ZNF845: variants seen among roughly 807,000 people sequenced by gnomAD.
The protein encoded by ZNF845 is zinc finger protein 845.
A neutral mutation model predicts 76.1 loss-of-function variants in ZNF845; 59 were observed. The observed-to-expected ratio is 0.78, with a 90% confidence interval of 0.63 to 0.96. The LOEUF (loss-of-function observed/expected upper bound fraction) is 0.96, where lower values mean the gene tolerates loss of function less well. Among genes scored for constraint, ZNF845 ranks in the 40% least tolerant of loss-of-function variants. The probability of loss-of-function intolerance (pLI) is 0.00; values close to 1 mark genes in which losing one functional copy is unlikely to be tolerated. For missense variants in ZNF845, 1,045 were observed against 1,172.8 expected (o/e 0.89, Z 1.59); for synonymous variants, 361 against 386.9 (o/e 0.93, Z 0.78).
chr19:53,342,627 G>C (rs1023089169), intron 2 of ZNF845, among the ~76,000 whole-genome samples: 6 of 151,980 alleles, frequency 3.9e-5, no homozygotes, highest in African/African-American at 1.5e-4. Flanking sequence ...TCGCGCGTCT[G>C]TATTTCTGCA....
At chr19:53,341,208 A>G in intron 1 of ZNF845, 27 bp from the exon 2 acceptor site, 1 of 1,536,178 alleles carries the variant, frequency 6.5e-7, no homozygotes, top group South Asian at 1.1e-5. Context: ...GATTCTGAGC[A>G]ATAAACAACA....
rs550191325 is a variant in ZNF845, at chr19:53,343,317, ACTGGATGAC to A, written c.15+1999_15+2007del. On this transcript the variant is annotated intron_variant, in intron 2 of 3. Coordinates refer to ENST00000458035, the MANE Select transcript of ZNF845 (RefSeq NM_138374.3). ...CCTTTGACATCTGCATTAGAAATTG[ACTGGATGAC>A]CTGTGTGTTCTTTGCAATTTTTCCC... 1.0e-3 allele frequency among the ~76,000 whole-genome samples: 155 copies of A among 152,322 alleles called. 1 individual carries two copies. In the Middle Eastern group the frequency reaches 0.014, roughly 13 times the overall value.
chr19:53,345,448 C>G (rs189905153), intron 2 of ZNF845, 58 bp from the exon 3 acceptor site: 1 of 1,611,068 alleles, frequency 6.2e-7, no homozygotes, highest in African/African-American at 1.3e-5. Context: ...CTTCTCATTT[C>G]GTGTAAAGAT....
At position 53,354,185 on chromosome 19, in the gene ZNF845, T is replaced by G. The variant is rs10413231; in HGVS notation, c.*597T>G. On this transcript the variant is annotated 3_prime_UTR_variant, in exon 4 of 4. Coordinates refer to ENST00000458035, the MANE Select transcript of ZNF845 (RefSeq NM_138374.3). ...AGAAATCTTACAAATGTCATCAGTG[T>G]GGCAAGGTCTTCAGTCTGAGATCAC... 0.088 allele frequency: 60,752 copies of G among 691,948 alleles called. 4,781 individuals are homozygous for G. Among genetic ancestry groups the G allele is most frequent in the African/African-American group, 0.24 (12,684 of 53,802 alleles). 42.9% of individuals were successfully genotyped at this position (691,948 alleles called of 1,614,324 possible).
At chr19:53,340,862 T>C in intron 1 of ZNF845, 1 of 371,752 alleles carries the variant, frequency 2.7e-6, no homozygotes, top group Non-Finnish European at 4.8e-6. Flanking sequence ...CCGAGGTTGC[T>C]CCTGCCTCAA....
chr19:53,337,317 GTCTC>G (rs2085222619), intron 1 of ZNF845, among the ~76,000 whole-genome samples: 3 of 150,064 alleles, frequency 2.0e-5, no homozygotes, highest in Admixed American at 1.3e-4. Flanking sequence ...CTGCCCGTCA[GTCTC>G]TATCACGTTA....
Position 53,350,835 on chromosome 19 carries a change from A to T in ZNF845, c.160A>T (p.Met54Leu). 1 of 1,613,650 alleles carries T rather than the reference A, an allele frequency of 6.2e-7. No homozygotes were observed. Among genetic ancestry groups the T allele is most frequent in the Non-Finnish European group, 8.5e-7 (1 of 1,179,834 alleles). The change falls in exon 4 of 4, where the codon ATG (methionine) becomes TTG (leucine). Residue 54 changes from methionine (M) to leucine (L), a missense_variant. Met to Leu is a conservative substitution (Grantham distance 15). Transcript: ENST00000458035. The part of the protein sequence containing the change: ...LVSLDISSKC[M>L]MKEFSSTAQG... Reference sequence around the variant, plus strand: ...TTTTCTAGATATCTCTTCCAAATGCATGATGAAGGAGTTCTCATCAACAGC... The same window carrying T: ...TTTTCTAGATATCTCTTCCAAATGCTTGATGAAGGAGTTCTCATCAACAGC...
rs184437130 is a variant in ZNF845 at position 53,341,634 on chromosome 19, G to A, written c.15+312G>A. On this transcript the variant is annotated intron_variant, in intron 2 of 3. Transcript: ENST00000458035. The stretch of plus-strand genomic sequence containing the variant: ...AGGGATTGTTCAGGGGCCACATCTG[G>A]ATGCACTGTCAGCTCTCTGTGAACC... Among the ~76,000 whole-genome samples the A allele has an allele frequency of 3.5e-3, 531 of 152,154 alleles. 1 individual carries two copies. Among genetic ancestry groups the A allele is most frequent in the Non-Finnish European group, 6.4e-3 (438 of 68,020 alleles).
chr19:53,352,434 G>C lies in ZNF845; in HGVS notation c.1759G>C (p.Val587Leu). 6.2e-7 allele frequency: 1 copy of C among 1,613,878 alleles called. No homozygotes were observed. Among genetic ancestry groups the C allele is most frequent in the Non-Finnish European group, 8.5e-7 (1 of 1,179,818 alleles). The change falls in exon 4 of 4, where the codon GTC becomes CTC. Residue 587 changes from valine to leucine, a missense_variant. Transcript: ENST00000458035. The stretch of plus-strand genomic sequence containing the variant: ...TTACAAATGTAATGATTGTCACCAA[G>C]TCTTTAGTAATGCTACAACCATTGC... The part of the protein sequence containing the change: ...KLYKCNDCHQ[V>L]FSNATTIANH...
Position 53,353,864 on chromosome 19 carries a change from T to C in ZNF845, c.*276T>C. 8.1e-7 allele frequency: 1 copy of C among 1,230,836 alleles called. No homozygotes were observed. Among genetic ancestry groups the C allele is most frequent in the Non-Finnish European group, 1.1e-6 (1 of 886,468 alleles). The allele number at this position is 1,230,836 out of a possible 1,614,324, so 76.2% of individuals were successfully genotyped here. A position where few individuals can be genotyped will look rare whatever the true frequency, so the allele number is the denominator to read the frequency against. On this transcript the variant is annotated 3_prime_UTR_variant, in exon 4 of 4. Transcript: ENST00000458035. ...CTAATGTAATGATTATCACAAAGTCTTCAGTAACACTACAACCGTTTCAAA... is the reference window on the plus strand; with the variant it reads ...CTAATGTAATGATTATCACAAAGTCCTCAGTAACACTACAACCGTTTCAAA...
At chr19:53,345,953 T>A (rs1207243211) in intron 3 of ZNF845, among the ~76,000 whole-genome samples, 1 of 151,884 alleles carries the variant, frequency 6.6e-6, no homozygotes, top group Non-Finnish European at 1.5e-5. Flanking sequence ...GCTCAAGAGA[T>A]CCTCCTTGGC....
chr19:53,350,311 G>A (rs985536725), intron 3 of ZNF845, among the ~76,000 whole-genome samples: 11 of 151,860 alleles, frequency 7.2e-5, no homozygotes, highest in Admixed American at 6.6e-4. Flanking sequence ...ATTTTGTAAT[G>A]TTTTCTTATC....
chr19:53,354,983 G>T lies in ZNF845; in HGVS notation c.*1395G>T, dbSNP rs989548183. On this transcript the variant is annotated 3_prime_UTR_variant, in exon 4 of 4. Coordinates refer to ENST00000458035, the MANE Select transcript of ZNF845 (RefSeq NM_138374.3). Reference sequence around the variant, plus strand: ...CACTTGGACTGGAGTACAATGGCACGATCTTGGCTCACTGCAGCCTCTGCC... The same window carrying T: ...CACTTGGACTGGAGTACAATGGCACTATCTTGGCTCACTGCAGCCTCTGCC... The T allele has an allele frequency of 1.3e-5, 2 of 151,740 alleles. No individual in the cohort carries two copies. The highest frequency in any genetic ancestry group is 2.9e-5 in the Non-Finnish European group (2 of 68,000). 9.4% of individuals were successfully genotyped at this position (151,740 alleles called of 1,614,324 possible).
intron 3 of ZNF845, chr19:53,346,261 C>T: frequency 7.1e-6 from 2 of 282,796 alleles, no homozygotes; most frequent in South Asian, 2.6e-5. Flanking sequence ...CGTTTAATTG[C>T]TTTTTTGTGT....
chr19:53,345,127 C>G (rs2085285357), intron 2 of ZNF845, among the ~76,000 whole-genome samples: 1 of 152,010 alleles, frequency 6.6e-6, no homozygotes, highest in Non-Finnish European at 1.5e-5. Flanking sequence ...ATCAGCCTGA[C>G]CAATATGGTG....
Position 53,345,496 on chromosome 19 carries a change from T to A in ZNF845, c.16-10T>A, listed in dbSNP as rs1294474023. The A allele has an allele frequency of 5.6e-6, 9 of 1,613,562 alleles. No homozygotes were observed. The highest frequency in any genetic ancestry group is 2.7e-5 in the African/African-American group (2 of 74,902). On this transcript the variant is annotated splice_polypyrimidine_tract_variant and intron_variant, in intron 2 of 3. Transcript: ENST00000458035. Reference sequence around the variant, plus strand: ...CATAACCATTTCCTTAAAATGTGTTTTCATTTCAGGGTCTATTGACATTCA... The same window carrying A: ...CATAACCATTTCCTTAAAATGTGTTATCATTTCAGGGTCTATTGACATTCA...
Position 53,353,755 on chromosome 19 carries a change from C to G in ZNF845, c.*167C>G. 1.3e-6 allele frequency: 2 copies of G among 1,525,224 alleles called. No individual in the cohort carries two copies. Among genetic ancestry groups the G allele is most frequent in the Non-Finnish European group, 1.8e-6 (2 of 1,140,860 alleles). 94.5% of individuals were successfully genotyped at this position (1,525,224 alleles called of 1,614,324 possible). A position where few individuals can be genotyped will look rare whatever the true frequency, so the allele number is the denominator to read the frequency against. On this transcript the variant is annotated 3_prime_UTR_variant, in exon 4 of 4. Coordinates refer to ENST00000458035, the MANE Select transcript of ZNF845 (RefSeq NM_138374.3). Reference sequence around the variant, plus strand: ...GAAGTCACACTGGAGAGAAACCTTACAAGTGTACTGAGTGTGGCAAAGCCT... The same window carrying G: ...GAAGTCACACTGGAGAGAAACCTTAGAAGTGTACTGAGTGTGGCAAAGCCT...
chr19:53,344,356 G>A (rs1182189537), intron 2 of ZNF845, among the ~76,000 whole-genome samples: 15 of 151,984 alleles, frequency 9.9e-5, no homozygotes, highest in Admixed American at 9.8e-4. Flanking sequence ...TGGCCAATAT[G>A]GTGAAACCCC....
chr19:53,351,032 G>C lies in ZNF845; in HGVS notation c.357G>C (p.Leu119Phe), dbSNP rs377152881. The C allele has an allele frequency of 6.2e-7, 1 of 1,614,160 alleles. No homozygotes were observed. The highest frequency in any genetic ancestry group is 1.1e-5 in the South Asian group (1 of 91,086). ...HEAPMTEIKQ[L>F]TGSTNRHDQR... is the part of the protein sequence containing the mutation. The stretch of plus-strand genomic sequence containing the variant: ...CACCCATGACAGAAATCAAACAGTT[G>C]ACGGGTAGTACAAACCGACATGATC... The change falls in exon 4 of 4, where the codon TTG becomes TTC. Residue 119 changes from leucine to phenylalanine, a missense_variant. Coordinates refer to ENST00000458035, the MANE Select transcript of ZNF845 (RefSeq NM_138374.3).
Sources: allele counts gnomAD v4.1 joint callset (sites outside exome capture counted in the v4.1 genomes callset), GRCh38; gene constraint gnomAD v4.1.1; transcripts MANE v1.5; gene names NCBI Gene and HGNC (gene_info 2026-07-23, HGNC 2026-07-21).